TMPRSS7: variants seen among roughly 807,000 people sequenced by gnomAD.
TMPRSS7 encodes transmembrane protease serine 7.
In TMPRSS7, 81 loss-of-function variants were observed where a neutral mutation model predicts 95.6. The observed-to-expected ratio is 0.85, with a 90% CI of 0.71 to 1.02. The LOEUF is 1.02. Among genes scored for constraint, TMPRSS7 ranks in the 50% least tolerant of loss-of-function variants. The pLI, the probability that TMPRSS7 is intolerant of heterozygous loss-of-function variation, is 0.00. For missense variants in TMPRSS7, 945 were observed against 955.2 expected (o/e 0.99, Z 0.14); for synonymous variants, 364 against 337.8 (o/e 1.08, Z -0.85).
chr3:112,047,029 G>C lies in TMPRSS7; in HGVS notation c.730+17G>C. 1.4e-6 allele frequency: 1 copy of C among 701,918 alleles called. No individual in the cohort carries two copies. Among genetic ancestry groups the C allele is most frequent in the Non-Finnish European group, 2.6e-6 (1 of 384,594 alleles). 43.5% of individuals were successfully genotyped at this position (701,918 alleles called of 1,614,324 possible). On this transcript the variant is annotated intron_variant, in intron 6 of 17. Transcript: ENST00000452346. ...TAGGATCTGGTAAATTCTTTCATGT[G>C]GTTCCCCCTCCCCCCATGTTAATAT... is the stretch of plus-strand genomic sequence containing the variant.
At chr3:112,047,075 A>G in intron 6 of TMPRSS7, 63 bp downstream of exon 6, 1 of 694,692 alleles carries the variant, frequency 1.4e-6, no homozygotes, top group Non-Finnish European at 2.6e-6. Flanking sequence ...TGTAATTTTC[A>G]TTTTCTAATT....
At chr3:112,053,744 G>C (rs2073394554) in intron 9 of TMPRSS7, among the ~76,000 whole-genome samples, 1 of 152,186 alleles carries the variant, frequency 6.6e-6, no homozygotes, top group Non-Finnish European at 1.5e-5. Flanking sequence ...CAAACAGAAA[G>C]TGACCCAGGT....
At chr3:112,072,428 G>A (rs1340037523) in intron 13 of TMPRSS7, among the ~76,000 whole-genome samples, 2 of 152,344 alleles carry the variant, frequency 1.3e-5, no homozygotes, top group Non-Finnish European at 2.9e-5. Context: ...AGGGGTCAGG[G>A]ACCCACTTGA....
chr3:112,036,419 T>G (rs1284872700), intron 1 of TMPRSS7, among the ~76,000 whole-genome samples: 1 of 152,022 alleles, frequency 6.6e-6, no homozygotes, highest in Non-Finnish European at 1.5e-5. Flanking sequence ...AAATACAGAA[T>G]TAGCCAGGTG....
chr3:112,074,246 A>G, intron 13 of TMPRSS7, 50 bp from the exon 14 acceptor site: 2 of 1,313,986 alleles, frequency 1.5e-6, no homozygotes, highest in Non-Finnish European at 2.2e-6. Flanking sequence ...TCATTCACTC[A>G]AGTTTGTTTC....
chr3:112,079,404 G>T (rs912908584), intron 17 of TMPRSS7, among the ~76,000 whole-genome samples: 2 of 152,166 alleles, frequency 1.3e-5, no homozygotes, highest in Non-Finnish European at 2.9e-5. Flanking sequence ...GATTGCCAAA[G>T]AGTAAATAGA....
At chr3:112,034,780 G>A (rs148075338), upstream of TMPRSS7, 3,454 of 699,566 alleles carry the variant, frequency 4.9e-3, 74 homozygotes, top group South Asian at 0.037. Context: ...CTTCTCAAGA[G>A]AGCATATAAG....
intron 17 of TMPRSS7, 142 bp downstream of exon 17, chr3:112,079,020 C>A (rs2073747876): frequency 3.1e-6 from 3 of 960,752 alleles, no homozygotes; most frequent in Non-Finnish European, 3.0e-6. Flanking sequence ...ATTTATCATC[C>A]AATTGCCTAA....
intron 13 of TMPRSS7, among the ~76,000 whole-genome samples, chr3:112,069,739 C>A (rs111697619): frequency 6.6e-6 from 1 of 151,946 alleles, no homozygotes; most frequent in African/African-American, 2.4e-5. Context: ...ATCTTGCTAG[C>A]GGTCTATCAA....
exon 3 of TMPRSS7, chr3:112,042,050 G>T: frequency 6.4e-7 from 1 of 1,551,498 alleles, no homozygotes; most frequent in Non-Finnish European, 8.7e-7. Context: ...TGCAGCAAGT[G>T]GTGAGGCGAT....
chr3:112,051,610 T>C (rs1559955806), intron 9 of TMPRSS7, among the ~76,000 whole-genome samples: 1 of 151,244 alleles, frequency 6.6e-6, no homozygotes, highest in Non-Finnish European at 1.5e-5. Flanking sequence ...ATCTCTATTA[T>C]CTATCTATCT....
chr3:112,048,059 AAC>A (rs2073301782), intron 7 of TMPRSS7, 92 bp downstream of exon 7: 1 of 1,290,452 alleles, frequency 7.7e-7, no homozygotes, highest in African/African-American at 1.5e-5. Flanking sequence ...TTTTTTTAAA[AAC>A]AGTTTTTGTG....
chr3:112,059,418 C>G (rs936440243), intron 10 of TMPRSS7, among the ~76,000 whole-genome samples: 5 of 152,192 alleles, frequency 3.3e-5, no homozygotes, highest in Non-Finnish European at 7.3e-5. Context: ...TGCATACTCT[C>G]CCCCTTTAAA....
intron 10 of TMPRSS7, among the ~76,000 whole-genome samples, chr3:112,058,397 A>G (rs1159806507): frequency 6.6e-6 from 1 of 152,216 alleles, no homozygotes; most frequent in African/African-American, 2.4e-5. Flanking sequence ...TTTAGTAGCT[A>G]CATTAACTAG....
intron 9 of TMPRSS7, among the ~76,000 whole-genome samples, 185 bp downstream of exon 9, chr3:112,050,968 ACT>A: frequency 6.6e-6 from 1 of 152,116 alleles, no homozygotes; most frequent in East Asian, 1.9e-4. Context: ...CAAATTAACT[ACT>A]CTTAGCAGAC....
At chr3:112,051,225 A>T (rs186376891) in intron 9 of TMPRSS7, among the ~76,000 whole-genome samples, 2 of 152,316 alleles carry the variant, frequency 1.3e-5, no homozygotes, top group East Asian at 3.9e-4. Context: ...AAACAGACAC[A>T]ATAAAATACA....
rs750857353 is a variant in TMPRSS7, at chr3:112,061,781, C to A, written c.1311-6C>A. 4 of 1,600,998 alleles carry A rather than the reference C, an allele frequency of 2.5e-6. No homozygotes were observed. The highest frequency in any genetic ancestry group is 3.4e-6 in the Non-Finnish European group (4 of 1,173,002). On this transcript the variant is annotated splice_polypyrimidine_tract_variant and splice_region_variant and intron_variant, in intron 10 of 17. Transcript: ENST00000452346. ...TGTGTATTCTCCCCGACTCTTGTCT[C>A]CCCAGGTACTGTGGCTCCTACATGG...
chr3:112,077,171 C>G, intron 16 of TMPRSS7, 27 bp downstream of exon 16: 1 of 1,606,878 alleles, frequency 6.2e-7, no homozygotes, highest in Non-Finnish European at 8.5e-7. Flanking sequence ...ATGGTCATGC[C>G]CTTCCCCTGC....
At chr3:112,064,326 A>C (rs1232629334) in intron 12 of TMPRSS7, among the ~76,000 whole-genome samples, 1 of 148,140 alleles carries the variant, frequency 6.8e-6, no homozygotes, top group Non-Finnish European at 1.5e-5. Context: ...TAAATAAAAG[A>C]GAACGGGTTT....
Sources: allele counts gnomAD v4.1 joint callset (sites outside exome capture counted in the v4.1 genomes callset), GRCh38; gene constraint gnomAD v4.1.1; transcripts MANE v1.5; gene names NCBI Gene and HGNC (gene_info 2026-07-23, HGNC 2026-07-21).